Variants in SDK2 observed in about 807,000 individuals in gnomAD.
SDK2 encodes sidekick cell adhesion molecule 2.
Under a neutral mutation model 253.9 loss-of-function variants are expected in SDK2, and 105 were observed. That is an observed-to-expected ratio of 0.41 (90% CI 0.35 to 0.49). SDK2 has a LOEUF of 0.49. SDK2 is among the 20% of genes least tolerant of loss of function. SDK2 has a pLI of 0.06. For missense variants in SDK2, 2,608 were observed against 3,003.0 expected, an observed-to-expected ratio of 0.87 and a Z score of 3.07; for synonymous variants, 1,249 against 1,234.9, an observed-to-expected ratio of 1.01 and a Z score of -0.24.
In SDK2 at chr17:73,424,024, T is replaced by C. The variant is rs1332121403; in HGVS notation, c.1652A>G (p.Asn551Ser). The C allele has an allele frequency of 1.9e-6, 3 of 1,612,708 alleles. No homozygotes were observed. The highest frequency in any genetic ancestry group is 1.7e-6 in the Non-Finnish European group (2 of 1,179,576). Residue 551 changes from asparagine to serine, a missense_variant, in exon 13 of 45, where the codon AAC (asparagine) becomes AGC (serine). Asn to Ser is a conservative substitution (Grantham distance 46, BLOSUM62 1). This residue lies in a region of SDK2 where 1,505 missense variants were observed against 1,859.1 expected (regional missense o/e 0.81). Coordinates refer to ENST00000392650, the MANE Select transcript of SDK2 (RefSeq NM_001144952.2). ...CGTCTGTGAGATGTGCAGGGAGCCG[T>C]TTCTGTCCAGGCGGATACGAGGATG... ...ESHPRIRLDR[N>S]GSLHISQTWS...
chr17:73,349,716 T>C (rs781535764), intron 43 of SDK2, among the ~76,000 whole-genome samples: 2 of 152,136 alleles, frequency 1.3e-5, no homozygotes, highest in Non-Finnish European at 2.9e-5. Context: ...TGTCCTTTAA[T>C]AGGTATAAAT....
Position 73,455,762 on chromosome 17 carries a change from C to T in SDK2, c.479+144G>A. 1 of 901,084 alleles carries T rather than the reference C, an allele frequency of 1.1e-6. No homozygotes were observed. The highest frequency in any genetic ancestry group is 1.7e-5 in the African/African-American group (1 of 57,772). The allele number at this position is 901,084 out of a possible 1,614,324, so 55.8% of individuals were successfully genotyped here. ...ATCCTAAGAAAGCCCCTGGGAGGTC[C>T]CCTACCTGGCTGTGTCCCACAGGAG... is the stretch of plus-strand genomic sequence containing the variant. On this transcript the variant is annotated intron_variant, in intron 4 of 44. Coordinates refer to ENST00000392650, the MANE Select transcript of SDK2 (RefSeq NM_001144952.2). The surrounding 1 kb of genome is among the most constrained non-coding windows in gnomAD (Gnocchi z 5.0).
chr17:73,453,991 G>C (rs916823992), intron 4 of SDK2, among the ~76,000 whole-genome samples: 1 of 152,034 alleles, frequency 6.6e-6, no homozygotes, highest in Non-Finnish European at 1.5e-5. Context: ...TATTTTTGTG[G>C]TACCTTTCCT....
intron 12 of SDK2, among the ~76,000 whole-genome samples, chr17:73,428,199 G>A (rs2063298056): frequency 6.6e-6 from 1 of 152,144 alleles, no homozygotes; most frequent in African/African-American, 2.4e-5. Flanking sequence ...GCTCACGCCT[G>A]TAATCCTAGC....
intron 1 of SDK2, among the ~76,000 whole-genome samples, chr17:73,584,347 C>T (rs1655447834): frequency 6.6e-6 from 1 of 152,190 alleles, no homozygotes; most frequent in Non-Finnish European, 1.5e-5. Context: ...CCACCTAGCA[C>T]CAGCTTTTCC....
In SDK2 at chr17:73,336,598, C is replaced by A. The variant is rs1315777496; in HGVS notation, c.*1989G>T. On this transcript the variant is annotated 3_prime_UTR_variant, in exon 45 of 45. Transcript: ENST00000392650. ...GTGTGCCCGTTCTTTGGGCCCCAGACCCTGACTTCCCTTCCCGGTCACCAT... is the reference window on the plus strand; with the variant it reads ...GTGTGCCCGTTCTTTGGGCCCCAGAACCTGACTTCCCTTCCCGGTCACCAT... 6.5e-6 allele frequency: 1 copy of A among 152,672 alleles called. No homozygotes were observed. The highest frequency in any genetic ancestry group is 6.5e-5 in the Admixed American group (1 of 15,282). The allele number at this position is 152,672 out of a possible 1,614,324, so 9.5% of individuals were successfully genotyped here. A position where few individuals can be genotyped will look rare whatever the true frequency, so the allele number is the denominator to read the frequency against.
At chr17:73,610,147 T>C (rs562859310) in intron 1 of SDK2, among the ~76,000 whole-genome samples, 1 of 152,248 alleles carries the variant, frequency 6.6e-6, no homozygotes, top group East Asian at 1.9e-4. Flanking sequence ...TTTGGACTCA[T>C]TGTTCTCCAG....
intron 1 of SDK2, among the ~76,000 whole-genome samples, chr17:73,615,491 A>G (rs946525824): frequency 6.6e-6 from 1 of 152,226 alleles, no homozygotes; most frequent in African/African-American, 2.4e-5. Flanking sequence ...CTTAGAGAAC[A>G]TCAGGGATAA....
rs749780898 is a variant in SDK2, at chr17:73,390,340, C to A, written c.4139G>T (p.Arg1380Leu). 1 of 1,609,190 alleles carries A rather than the reference C, an allele frequency of 6.2e-7. No homozygotes were observed. The highest frequency in any genetic ancestry group is 8.5e-7 in the Non-Finnish European group (1 of 1,179,250). ...CTCGGCAGCTTCTCCCCAGCCCTTG[C>A]GGGTCTGGGCCGTGATGCGGAACAG... The part of the protein sequence containing the change: ...VYLFRITAQT[R>L]KGWGEAAEAL... The change falls in exon 29 of 45, where the codon CGC (arginine) becomes CTC (leucine). Residue 1380 changes from arginine (R) to leucine (L), a missense_variant. By Grantham distance (102) the Arg-to-Leu change is moderately radical. Coordinates refer to ENST00000392650, the MANE Select transcript of SDK2 (RefSeq NM_001144952.2).
intron 2 of SDK2, among the ~76,000 whole-genome samples, chr17:73,477,216 G>T (rs1478607712): frequency 6.6e-6 from 1 of 152,074 alleles, no homozygotes; most frequent in Non-Finnish European, 1.5e-5. Flanking sequence ...TCCCTCCTGG[G>T]CCACCAAGAC....
intron 1 of SDK2, among the ~76,000 whole-genome samples, chr17:73,627,612 G>A (rs927621313): frequency 2.6e-5 from 4 of 152,226 alleles, no homozygotes; most frequent in Admixed American, 6.5e-5. Context: ...TCAGGAGCAC[G>A]GTGGGCAGTG....
At chr17:73,509,488 T>G (rs140489235) in intron 1 of SDK2, among the ~76,000 whole-genome samples, 3,255 of 152,040 alleles carry the variant, frequency 0.021, 57 homozygotes, top group South Asian at 0.035. Flanking sequence ...TTCTTTTGGC[T>G]TAAGAAATGG....
intron 15 of SDK2, among the ~76,000 whole-genome samples, chr17:73,419,707 C>CAA (rs1417558739): frequency 0.011 from 669 of 59,164 alleles, 17 homozygotes; most frequent in African/African-American, 0.033. Context: ...CTGTCTCTAC[C>CAA]AAAAAAAACA....
At chr17:73,388,122 G>C in intron 29 of SDK2, 85 bp from the exon 30 acceptor site, 1 of 956,868 alleles carries the variant, frequency 1.0e-6, no homozygotes, top group Non-Finnish European at 1.6e-6. Context: ...AGGAAAGGAG[G>C]TGATCTGGGC....
chr17:73,514,758 T>C (rs1599638892), intron 1 of SDK2, among the ~76,000 whole-genome samples: 1 of 152,334 alleles, frequency 6.6e-6, no homozygotes, highest in East Asian at 1.9e-4. Flanking sequence ...CGAGCTTCCC[T>C]GGAATGCTTG....
At chr17:73,559,608 C>T (rs866153643) in intron 1 of SDK2, among the ~76,000 whole-genome samples, 7 of 147,540 alleles carry the variant, frequency 4.7e-5, no homozygotes, top group African/African-American at 1.8e-4. Context: ...GCCCCCCGCC[C>T]CCGCCACCAT....
chr17:73,564,707 C>T (rs918640023), intron 1 of SDK2, among the ~76,000 whole-genome samples: 1 of 152,078 alleles, frequency 6.6e-6, no homozygotes, highest in Admixed American at 6.5e-5. Context: ...TACCTGCAGT[C>T]CCATCTACTC....
intron 1 of SDK2, among the ~76,000 whole-genome samples, chr17:73,508,154 G>A (rs994258481): frequency 7.2e-5 from 11 of 152,230 alleles, no homozygotes; most frequent in Admixed American, 5.2e-4. Context: ...CTGGGTCCTG[G>A]AGCCAGCCTG....
chr17:73,419,719 CAAAAA>C (rs902970784), intron 15 of SDK2, among the ~76,000 whole-genome samples: 7 of 124,128 alleles, frequency 5.6e-5, no homozygotes, highest in Non-Finnish European at 9.6e-5. Context: ...AAAAAAACAA[CAAAAA>C]AAACCCAAAA....
Sources: gnomAD v4.1 joint callset for allele counts (sites outside exome capture counted in the v4.1 genomes callset) on GRCh38, gnomAD v4.1.1 for gene constraint, gnomAD v4.1.1 regional missense constraint, Gnocchi (gnomAD v3.1) non-coding constraint, MANE v1.5 for transcripts, NCBI Gene and HGNC (gene_info 2026-07-23, HGNC 2026-07-21) for gene names.